Variants in SRPRB observed in about 807,000 individuals in gnomAD.
SRPRB encodes the protein SRP receptor subunit beta.
Under a neutral mutation model 31.9 loss-of-function variants are expected in SRPRB, and 20 were observed. The observed-to-expected ratio is 0.63, with a 90% CI of 0.44 to 0.91. The LOEUF (loss-of-function observed/expected upper bound fraction) is 0.91. SRPRB is among the 40% of genes least tolerant of loss of function. The pLI is 0.00. For missense variants in SRPRB, 321 were observed against 324.9 expected, an observed-to-expected ratio of 0.99 and a Z score of 0.09; for synonymous variants, 146 against 132.8, an observed-to-expected ratio of 1.10 and a Z score of -0.68.
intron 1 of SRPRB, chr3:133,796,046 C>T (rs1934961608): frequency 6.6e-6 from 1 of 152,504 alleles, no homozygotes; most frequent in Admixed American, 6.5e-5. Flanking sequence ...TGTTTTTCTC[C>T]TACAAATCTC....
chr3:133,815,875 TTTA>T (rs2107974456), intron 5 of SRPRB, 149 bp downstream of exon 5: 1 of 1,013,544 alleles, frequency 9.9e-7, no homozygotes, highest in East Asian at 2.6e-5. Context: ...AATCTTAAAA[TTTA>T]TTTCTACTCC....
Position 133,821,170 on chromosome 3 carries a change from G to A in SRPRB, c.*1404G>A, listed in dbSNP as rs1395324376. 1 of 152,208 alleles carries A rather than the reference G, an allele frequency of 6.6e-6. No individual in the cohort carries two copies. Among genetic ancestry groups the A allele is most frequent in the East Asian group, 1.9e-4 (1 of 5,186 alleles). 9.4% of individuals were successfully genotyped at this position (152,208 alleles called of 1,614,324 possible). On this transcript the variant is annotated 3_prime_UTR_variant, in exon 7 of 7. Coordinates refer to ENST00000678299, the MANE Select transcript of SRPRB (RefSeq NM_001379313.1). ...CCTTCTGGTGGTCACTTGGGCTCTA[G>A]GAGTATACGTCACCTCAGACCATCT... is the stretch of plus-strand genomic sequence containing the variant.
At chr3:133,787,826 A>C (rs936161241) in intron 1 of SRPRB, 2 of 152,254 alleles carry the variant, frequency 1.3e-5, no homozygotes, top group African/African-American at 4.8e-5. Flanking sequence ...CACTCTCTAG[A>C]TACTAAAGAG....
upstream of SRPRB, among the ~76,000 whole-genome samples, chr3:133,803,722 T>C (rs946379104): frequency 6.6e-5 from 10 of 151,198 alleles, no homozygotes; most frequent in Non-Finnish European, 1.2e-4. Flanking sequence ...TGGAGTGCAG[T>C]GGCATGTGAT....
intron 1 of SRPRB, chr3:133,789,878 C>CATTTTTTTTTTTT (rs1559884865): frequency 1.9e-5 from 1 of 52,408 alleles, no homozygotes. Flanking sequence ...ATCTCGTTTG[C>CATTTTTTTTTTTT]GTTTTTTTTT....
chr3:133,788,114 G>A (rs1265290275), intron 1 of SRPRB: 1 of 152,324 alleles, frequency 6.6e-6, no homozygotes, highest in Non-Finnish European at 1.5e-5. Context: ...GGGTCTGGAG[G>A]CAGGAAACAT....
chr3:133,798,349 A>G (rs1014036721), intron 1 of SRPRB, among the ~76,000 whole-genome samples: 7 of 152,220 alleles, frequency 4.6e-5, no homozygotes, highest in African/African-American at 1.7e-4. Flanking sequence ...GCTGTACTAT[A>G]GGAATACATT....
chr3:133,795,258 G>A (rs1205113969), intron 1 of SRPRB: 1 of 152,172 alleles, frequency 6.6e-6, no homozygotes, highest in Non-Finnish European at 1.5e-5. Flanking sequence ...TGGTGACCCT[G>A]GATAAGGAGC....
intron 1 of SRPRB, chr3:133,790,258 A>G (rs1934799080): frequency 6.6e-6 from 1 of 152,182 alleles, no homozygotes; most frequent in African/African-American, 2.4e-5. Context: ...AAATTGTGGA[A>G]TTGTTCTTAA....
exon 1 of SRPRB, chr3:133,784,041 T>C (rs1934581597): frequency 1.3e-5 from 2 of 152,340 alleles, no homozygotes. Flanking sequence ...CCGTAGGCCA[T>C]GGAGCCGAGC....
At chr3:133,794,959 A>T (rs967478769) in intron 1 of SRPRB, 1 of 152,232 alleles carries the variant, frequency 6.6e-6, no homozygotes, top group African/African-American at 2.4e-5. Flanking sequence ...TTTTTCCATG[A>T]TTTGGAATAA....
chr3:133,805,559 T>G, upstream of SRPRB: 4 of 286,026 alleles, frequency 1.4e-5, no homozygotes, highest in Non-Finnish European at 1.9e-5. Flanking sequence ...ATTCATTCAT[T>G]TTATTCATTT....
At chr3:133,798,006 A>G (rs1460760418) in intron 1 of SRPRB, among the ~76,000 whole-genome samples, 1 of 152,198 alleles carries the variant, frequency 6.6e-6, no homozygotes, top group Non-Finnish European at 1.5e-5. Flanking sequence ...GATAACAGCC[A>G]TAGGTCTAAC....
chr3:133,826,631 G>A (rs1406666545), downstream of SRPRB: 1 of 152,678 alleles, frequency 6.5e-6, no homozygotes, highest in African/African-American at 2.4e-5. Context: ...GGGGACACTG[G>A]CCCACACAGG....
downstream of SRPRB, chr3:133,824,239 T>C (rs2059541752): frequency 2.0e-5 from 3 of 152,176 alleles, no homozygotes; most frequent in Admixed American, 6.5e-5. Context: ...AGAAGCTTTG[T>C]TTTGAGAATT....
intron 5 of SRPRB, 148 bp downstream of exon 5, chr3:133,815,874 A>G: frequency 9.9e-7 from 1 of 1,012,496 alleles, no homozygotes; most frequent in Non-Finnish European, 1.4e-6. Flanking sequence ...TAATCTTAAA[A>G]TTTATTTCTA....
Position 133,819,646 on chromosome 3 carries a change from T to C in SRPRB, c.696T>C (p.Phe232=), listed in dbSNP as rs1376252674. ...PAQLGKKGKE[F]EFSQLPLKVE... is the part of the protein sequence containing the mutation. ...AGCTGGGGAAGAAAGGCAAAGAGTT[T>C]GAATTCTCACAGTTGCCCCTCAAAG... The change falls in exon 7 of 7, where the codon TTT becomes TTC. Residue 232 remains phenylalanine (F), a synonymous_variant. Transcript: ENST00000678299. 31 of 1,614,218 alleles carry C rather than the reference T, an allele frequency of 1.9e-5. No homozygotes were observed. Among genetic ancestry groups the C allele is most frequent in the Non-Finnish European group, 2.5e-5 (29 of 1,180,048 alleles).
chr3:133,822,236 T>C (rs537261604), downstream of SRPRB, among the ~76,000 whole-genome samples: 1 of 151,434 alleles, frequency 6.6e-6, no homozygotes, highest in Non-Finnish European at 1.5e-5. Flanking sequence ...AACATGGCAG[T>C]GTATGGACAC....
chr3:133,805,874 T>G lies in SRPRB; in HGVS notation c.26T>G (p.Val9Gly), dbSNP rs1312148917. Residue 9 changes from valine (V) to glycine (G), a missense_variant, in exon 1 of 7, where the codon GTG (valine) becomes GGG (glycine). Transcript: ENST00000678299. ...ATGGCTTCCGCGGACTCGCGCCGGG[T>G]GGCAGATGGCGGCGGTGCCGGGGGC... is the stretch of plus-strand genomic sequence containing the variant. MASADSRRVADGGGAGGTF... is the reference protein window; with the variant it reads MASADSRRGADGGGAGGTF... The G allele has an allele frequency of 6.2e-7, 1 of 1,612,114 alleles. No individual in the cohort carries two copies. Among genetic ancestry groups the G allele is most frequent in the Non-Finnish European group, 8.5e-7 (1 of 1,179,228 alleles).
Sources: allele counts gnomAD v4.1 joint callset (sites outside exome capture counted in the v4.1 genomes callset), GRCh38; gene constraint gnomAD v4.1.1; transcripts MANE v1.5; gene names NCBI Gene and HGNC (gene_info 2026-07-23, HGNC 2026-07-21).